Variants in MSRA observed in about 807,000 individuals in gnomAD.
The protein encoded by MSRA is methionine sulfoxide reductase A, also known as mitochondrial peptide methionine sulfoxide reductase.
Under a neutral mutation model 31.3 loss-of-function variants are expected in MSRA, and 54 were observed. The observed-to-expected ratio is 1.73, with a 90% confidence interval of 1.39 to 2.17. The LOEUF is 2.17. Among genes scored for constraint, MSRA ranks in the 30% most tolerant of loss-of-function variants. The pLI is 0.00. For synonymous variants in MSRA, 169 were observed against 116.5 expected (o/e 1.45, Z -2.90); for missense variants, 507 against 300.9 (o/e 1.69, Z -5.07).
intron 4 of MSRA, among the ~76,000 whole-genome samples, chr8:10,304,318 C>A (rs1235957110): frequency 6.6e-6 from 1 of 152,170 alleles, no homozygotes; most frequent in African/African-American, 2.4e-5. Flanking sequence ...AAAATATATT[C>A]CTACAGGAAG....
At chr8:10,369,355 A>G (rs961959644) in intron 5 of MSRA, among the ~76,000 whole-genome samples, 1 of 141,330 alleles carries the variant, frequency 7.1e-6, no homozygotes, top group East Asian at 1.9e-4. Context: ...TCCTGGCACT[A>G]CTGCCCCCCT....
At chr8:10,095,849 A>C (rs1014208880) in intron 1 of MSRA, 1 of 1,267,618 alleles carries the variant, frequency 7.9e-7, no homozygotes, top group Non-Finnish European at 1.0e-6. Context: ...CATAGTGTCC[A>C]TGCATTTGGG....
intron 1 of MSRA, among the ~76,000 whole-genome samples, chr8:10,088,171 A>G (rs1247042078): frequency 1.3e-5 from 2 of 152,162 alleles, no homozygotes; most frequent in Non-Finnish European, 2.9e-5. Context: ...AAGTCTGTAG[A>G]AAGACTTCCC....
At chr8:10,385,544 C>T (rs1296167269) in intron 5 of MSRA, among the ~76,000 whole-genome samples, 1 of 151,916 alleles carries the variant, frequency 6.6e-6, no homozygotes, top group Non-Finnish European at 1.5e-5. Context: ...GCAGGAGGGG[C>T]AGAGGAGTGA....
intron 4 of MSRA, among the ~76,000 whole-genome samples, chr8:10,317,426 G>A (rs1037511919): frequency 6.6e-6 from 1 of 152,198 alleles, no homozygotes; most frequent in African/African-American, 2.4e-5. Context: ...AAGCGTTTCT[G>A]TTTTCCTCTG....
At chr8:10,365,117 C>T (rs1416968229) in intron 5 of MSRA, among the ~76,000 whole-genome samples, 2 of 147,260 alleles carry the variant, frequency 1.4e-5, no homozygotes, top group Non-Finnish European at 3.0e-5. Context: ...CTTCTAAGGG[C>T]CTTCCTGGTT....
intron 5 of MSRA, among the ~76,000 whole-genome samples, chr8:10,377,759 C>A (rs183372968): frequency 5.3e-5 from 8 of 152,294 alleles, no homozygotes; most frequent in Middle Eastern, 3.4e-3. Context: ...AGGGCAAACA[C>A]CCTCTGGCAA....
chr8:10,134,647 A>G (rs1802139643), intron 1 of MSRA, among the ~76,000 whole-genome samples: 1 of 152,206 alleles, frequency 6.6e-6, no homozygotes, highest in Non-Finnish European at 1.5e-5. Context: ...GCATGACTGC[A>G]CGCCTCGTAT....
chr8:10,305,851 C>T (rs1585419047), intron 4 of MSRA, among the ~76,000 whole-genome samples: 1 of 152,176 alleles, frequency 6.6e-6, no homozygotes, highest in South Asian at 2.1e-4. Context: ...GATGCCACTC[C>T]ACGGATTAGC....
At chr8:10,421,146 T>G (rs536745900) in intron 5 of MSRA, among the ~76,000 whole-genome samples, 3 of 152,266 alleles carry the variant, frequency 2.0e-5, no homozygotes, top group Non-Finnish European at 1.5e-5. Flanking sequence ...TTTTATAACC[T>G]ACTGGGCTCC....
chr8:10,101,300 A>G (rs935243790), intron 1 of MSRA, among the ~76,000 whole-genome samples: 6 of 152,212 alleles, frequency 3.9e-5, no homozygotes, highest in African/African-American at 7.2e-5. Flanking sequence ...AGTGTCTGGT[A>G]TGTAGTAAAT....
Position 10,056,215 on chromosome 8 carries a change from A to AAAC in MSRA, c.142+1559_142+1560insCAA, listed in dbSNP as rs1211912816. Among the ~76,000 whole-genome samples, 32 of 151,444 alleles carry AAAC rather than the reference A, an allele frequency of 2.1e-4. 1 individual carries two copies. Among genetic ancestry groups the AAAC allele is most frequent in the African/African-American group, 7.7e-4 (32 of 41,352 alleles). ...CCATACACCAAAAAAAAAAAAAAAAAAAAAAACCCCAAATAATCCAAAAAC... is the reference window on the plus strand; with the variant it reads ...CCATACACCAAAAAAAAAAAAAAAAAAACAAAAAACCCCAAATAATCCAAAAAC... On this transcript the variant is annotated intron_variant, in intron 1 of 5. Transcript: ENST00000317173.
At chr8:10,389,838 CCCATTGTATACAA>C (rs1563424788) in intron 5 of MSRA, among the ~76,000 whole-genome samples, 1 of 148,408 alleles carries the variant, frequency 6.7e-6, no homozygotes. Context: ...CTTCAGTGGT[CCCATTGTATACAA>C]CCACACACTG....
chr8:10,198,154 A>G (rs559337304), intron 1 of MSRA, among the ~76,000 whole-genome samples: 1 of 152,322 alleles, frequency 6.6e-6, no homozygotes, highest in Non-Finnish European at 1.5e-5. Context: ...TAGCAAAGAA[A>G]TATTTGCTTA....
At chr8:10,362,064 C>T (rs1033541176) in intron 5 of MSRA, among the ~76,000 whole-genome samples, 2 of 152,056 alleles carry the variant, frequency 1.3e-5, no homozygotes, top group Admixed American at 1.3e-4. Flanking sequence ...TGAGAGAGAC[C>T]CGGGTTCCCA....
intron 1 of MSRA, among the ~76,000 whole-genome samples, chr8:10,191,862 A>G (rs189306721): frequency 2.0e-5 from 3 of 152,262 alleles, no homozygotes; most frequent in Middle Eastern, 3.4e-3. Context: ...TGTATAATCA[A>G]TTATTCTAAA....
chr8:10,250,250 T>C (rs1020977719), intron 3 of MSRA, among the ~76,000 whole-genome samples: 4 of 152,218 alleles, frequency 2.6e-5, no homozygotes, highest in African/African-American at 9.6e-5. Flanking sequence ...AGAATTATTC[T>C]TACATTTTGT....
intron 1 of MSRA, among the ~76,000 whole-genome samples, chr8:10,194,188 A>C (rs1807771707): frequency 1.3e-5 from 2 of 152,220 alleles, no homozygotes; most frequent in South Asian, 4.1e-4. Flanking sequence ...GTGAACCCAC[A>C]AATACTTCAT....
intron 1 of MSRA, among the ~76,000 whole-genome samples, chr8:10,118,965 C>T (rs1367358700): frequency 6.6e-6 from 1 of 152,100 alleles, no homozygotes; most frequent in Non-Finnish European, 1.5e-5. Context: ...TGGTCTGGTC[C>T]CCTCCAGATG....
Sources: gnomAD v4.1 joint callset for allele counts (sites outside exome capture counted in the v4.1 genomes callset) on GRCh38, gnomAD v4.1.1 for gene constraint, MANE v1.5 for transcripts, NCBI Gene and HGNC (gene_info 2026-07-23, HGNC 2026-07-21) for gene names.